RGS7: variants seen among roughly 807,000 people sequenced by gnomAD.
The protein encoded by RGS7 is regulator of G-protein signaling 7.
In RGS7, 27 loss-of-function variants were observed where a neutral mutation model predicts 81.1. The ratio of observed to expected loss-of-function variants is 0.33; its 90% CI spans 0.25 to 0.46. The LOEUF is 0.46. Among genes scored for constraint, RGS7 ranks in the 20% least tolerant of loss-of-function variants. The pLI is 1.00. For missense variants in RGS7, 396 were observed against 607.4 expected, an observed-to-expected ratio of 0.65 and a Z score of 3.66; for synonymous variants, 208 against 207.7, an observed-to-expected ratio of 1.00 and a Z score of -0.01.
chr1:240,981,476 G>A (rs1684910516), intron 4 of RGS7, among the ~76,000 whole-genome samples: 2 of 152,004 alleles, frequency 1.3e-5, no homozygotes, highest in Non-Finnish European at 2.9e-5. Context: ...AATAGTCTTT[G>A]CCAATCAGTA....
chr1:241,189,911 C>A (rs377234706), intron 2 of RGS7, among the ~76,000 whole-genome samples: 1 of 151,556 alleles, frequency 6.6e-6, no homozygotes, highest in African/African-American at 2.4e-5. Flanking sequence ...GTCAGGAGAT[C>A]GAGCCCACGG....
intron 2 of RGS7, among the ~76,000 whole-genome samples, chr1:241,213,966 A>G (rs1411416902): frequency 6.6e-6 from 1 of 152,122 alleles, no homozygotes; most frequent in Non-Finnish European, 1.5e-5. Context: ...GGGTCTCACT[A>G]TGTTGCTCAG....
intron 2 of RGS7, among the ~76,000 whole-genome samples, chr1:241,262,332 T>C (rs7553956): frequency 0.97 from 148,438 of 152,328 alleles, 72,453 homozygotes; most frequent in Middle Eastern, 1. Context: ...TTCTGTGACA[T>C]TTGGATGAGA....
intron 2 of RGS7, among the ~76,000 whole-genome samples, chr1:241,204,639 A>G (rs1317010729): frequency 1.3e-5 from 2 of 152,170 alleles, no homozygotes; most frequent in East Asian, 1.9e-4. Context: ...AAATTTATCA[A>G]CAAAAGAGAA....
At chr1:241,156,738 C>G (rs1367009118) in intron 2 of RGS7, among the ~76,000 whole-genome samples, 1 of 152,150 alleles carries the variant, frequency 6.6e-6, no homozygotes, top group African/African-American at 2.4e-5. Flanking sequence ...CAAGGTCACA[C>G]CCCTTCCTGG....
chr1:240,843,282 T>C (rs1226662110), intron 9 of RGS7, among the ~76,000 whole-genome samples: 1 of 152,198 alleles, frequency 6.6e-6, no homozygotes, highest in Non-Finnish European at 1.5e-5. Flanking sequence ...TTCTTTTTTT[T>C]TGGGACAGGG....
intron 3 of RGS7, 112 bp from the exon 4 acceptor site, chr1:240,983,241 G>A: frequency 1.7e-6 from 1 of 579,326 alleles, no homozygotes; most frequent in Non-Finnish European, 3.0e-6. Flanking sequence ...TTTTCTAATT[G>A]TTACAATGAC....
intron 3 of RGS7, among the ~76,000 whole-genome samples, chr1:240,995,722 G>A (rs1013741089): frequency 1.4e-5 from 1 of 70,874 alleles, no homozygotes; most frequent in South Asian, 4.1e-4. Context: ...TTTTTTTTTT[G>A]TCTTGTTACA....
intron 2 of RGS7, among the ~76,000 whole-genome samples, chr1:241,256,265 T>C (rs1416783774): frequency 6.6e-6 from 1 of 152,212 alleles, no homozygotes; most frequent in Non-Finnish European, 1.5e-5. Flanking sequence ...AGGCTCTGGG[T>C]GGTTGTAAAA....
intron 2 of RGS7, among the ~76,000 whole-genome samples, chr1:241,276,390 A>G (rs905228770): frequency 1.3e-5 from 2 of 152,238 alleles, no homozygotes; most frequent in African/African-American, 4.8e-5. Context: ...ATATGATTCT[A>G]GACAACCATT....
chr1:241,148,162 T>C (rs1413129947), intron 2 of RGS7, among the ~76,000 whole-genome samples: 3 of 150,190 alleles, frequency 2.0e-5, no homozygotes, highest in African/African-American at 7.3e-5. Context: ...GTCATTCTCC[T>C]GCCTCAGCCT....
intron 2 of RGS7, among the ~76,000 whole-genome samples, chr1:241,128,114 T>C (rs1393803463): frequency 6.6e-6 from 1 of 150,814 alleles, no homozygotes; most frequent in Non-Finnish European, 1.5e-5. Flanking sequence ...CCGTCTCCAT[T>C]AAAAATACAA....
chr1:240,900,083 T>C (rs150290075), intron 6 of RGS7, among the ~76,000 whole-genome samples: 19,452 of 152,220 alleles, frequency 0.13, 1,354 homozygotes, highest in Middle Eastern at 0.18. Context: ...GAATCGGCTA[T>C]TGAAGCTTGT....
At position 241,271,925 on chromosome 1, in the gene RGS7, G is replaced by C. The variant is rs1323939189; in HGVS notation, c.78+83774C>G. On this transcript the variant is annotated intron_variant, in intron 2 of 18. Coordinates refer to ENST00000440928, the MANE Select transcript of RGS7 (RefSeq NM_001364886.1). The surrounding 1 kb of genome is among the most constrained non-coding windows in gnomAD (Gnocchi z 4.6). ...TGTGTGTGTGTGTGTGTGTGTGTGT[G>C]TGTGTGTAGACACACTATTGGTTCT... Among the ~76,000 whole-genome samples, 3 of 117,728 alleles carry C rather than the reference G, an allele frequency of 2.5e-5. No individual in the cohort carries two copies. Among genetic ancestry groups the C allele is most frequent in the Non-Finnish European group, 5.5e-5 (3 of 54,978 alleles). The allele number at this position is 117,728 out of a possible 152,430, so 77.2% of individuals were successfully genotyped here. A position where few individuals can be genotyped will look rare whatever the true frequency, so the allele number is the denominator to read the frequency against.
intron 2 of RGS7, among the ~76,000 whole-genome samples, chr1:241,256,926 TAC>T (rs10552436): frequency 0.28 from 40,916 of 145,840 alleles, 6,114 homozygotes; most frequent in East Asian, 0.44. Flanking sequence ...CCACTAGAAA[TAC>T]ACACACACAC....
intron 2 of RGS7, among the ~76,000 whole-genome samples, chr1:241,306,589 T>A (rs2080167195): frequency 6.8e-6 from 1 of 146,372 alleles, no homozygotes; most frequent in Admixed American, 6.8e-5. Context: ...TACAAACCCT[T>A]ACACACACAC....
intron 2 of RGS7, among the ~76,000 whole-genome samples, chr1:241,321,752 T>C (rs917726012): frequency 6.6e-6 from 1 of 152,208 alleles, no homozygotes; most frequent in Non-Finnish European, 1.5e-5. Context: ...TAATCTATTA[T>C]ATACATAGTA....
chr1:241,016,184 C>T (rs1010109109), intron 3 of RGS7, among the ~76,000 whole-genome samples: 1 of 152,110 alleles, frequency 6.6e-6, no homozygotes, highest in Non-Finnish European at 1.5e-5. Context: ...TGGAGCCTGC[C>T]TCACACCAAA....
At chr1:240,915,505 A>G (rs115465615) in intron 6 of RGS7, among the ~76,000 whole-genome samples, 3 of 152,202 alleles carry the variant, frequency 2.0e-5, no homozygotes, top group Non-Finnish European at 4.4e-5. Context: ...AGAAGTTTCT[A>G]GGAAAACCCA....
Sources: allele counts gnomAD v4.1 joint callset (sites outside exome capture counted in the v4.1 genomes callset), GRCh38; gene constraint gnomAD v4.1.1; non-coding constraint Gnocchi (gnomAD v3.1); transcripts MANE v1.5; gene names NCBI Gene and HGNC (gene_info 2026-07-23, HGNC 2026-07-21).